ANKAR: variants seen among roughly 807,000 people sequenced by gnomAD.
ANKAR encodes the protein ankyrin and armadillo repeat-containing protein.
A neutral mutation model predicts 146.2 loss-of-function variants in ANKAR; 136 were observed. The observed-to-expected ratio is 0.93, with a 90% CI of 0.81 to 1.07. ANKAR has a LOEUF of 1.07. ANKAR is among the 50% of genes least tolerant of loss of function. The pLI is 0.00. For synonymous variants in ANKAR, 500 were observed against 575.8 expected, an observed-to-expected ratio of 0.87 and a Z score of 1.88; for missense variants, 1,567 against 1,679.9, an observed-to-expected ratio of 0.93 and a Z score of 1.18.
chr2:189,690,523 T>C (rs927655734), intron 3 of ANKAR, among the ~76,000 whole-genome samples: 2 of 152,216 alleles, frequency 1.3e-5, no homozygotes, highest in Admixed American at 1.3e-4. Flanking sequence ...TGGAATTTGA[T>C]GGGACTTCAG....
At chr2:189,705,751 C>T (rs2038847351) in intron 8 of ANKAR, among the ~76,000 whole-genome samples, 1 of 152,074 alleles carries the variant, frequency 6.6e-6, no homozygotes, top group Non-Finnish European at 1.5e-5. Context: ...AATAAAATAA[C>T]TTTGAAATTA....
rs553445499 is a variant in ANKAR, at chr2:189,742,163, G to A, written c.3810+712G>A. 1.5e-3 allele frequency among the ~76,000 whole-genome samples: 226 copies of A among 152,260 alleles called. 1 individual carries two copies. The highest frequency in any genetic ancestry group is 5.3e-3 in the African/African-American group (219 of 41,554). ...TATATCAGAATCACCTGGAGGGCCT[G>A]TTATATTGCTTGGCCCCATTCCTAG... On this transcript the variant is annotated intron_variant, in intron 20 of 22. Transcript: ENST00000684021.
intron 18 of ANKAR, chr2:189,754,138 T>C: frequency 6.2e-7 from 1 of 1,613,080 alleles, no homozygotes; most frequent in Non-Finnish European, 8.5e-7. Context: ...ATTAGAAATA[T>C]ACCTTCCTCT....
intron 18 of ANKAR, chr2:189,753,084 C>A (rs556085802): frequency 1.8e-6 from 2 of 1,103,616 alleles, no homozygotes; most frequent in African/African-American, 3.2e-5. Flanking sequence ...ATAAACTATC[C>A]CATTTTGAGA....
At chr2:189,749,134 T>C (rs978716805), downstream of ANKAR, among the ~76,000 whole-genome samples, 4 of 149,752 alleles carry the variant, frequency 2.7e-5, no homozygotes, top group Non-Finnish European at 5.9e-5. Context: ...TAGTCCCAGC[T>C]ACTCGGGAGG....
At chr2:189,754,351 A>G (rs1335198862) in intron 18 of ANKAR, 1 of 1,588,170 alleles carries the variant, frequency 6.3e-7, no homozygotes, top group Admixed American at 1.8e-5. Context: ...GCCACCTATC[A>G]AAGAAACATA....
rs566346830 is a variant in ANKAR at position 189,741,358 on chromosome 2, C to G, written c.3717C>G (p.Ser1239Arg). The G allele has an allele frequency of 6.2e-7, 1 of 1,602,838 alleles. No homozygotes were observed. Among genetic ancestry groups the G allele is most frequent in the East Asian group, 2.3e-5 (1 of 44,406 alleles). ...AATTTATAGGGAATTTAATAGCAAGCCTGGCTCATTCTAGAGCTGGTATCC... is the reference window on the plus strand; with the variant it reads ...AATTTATAGGGAATTTAATAGCAAGGCTGGCTCATTCTAGAGCTGGTATCC... ...TIVLTGNLIA[S>R]LAHSRAGIPE... The change falls in exon 20 of 23, where the codon AGC becomes AGG. Residue 1239 changes from serine to arginine, a missense_variant. Coordinates refer to ENST00000684021, the MANE Select transcript of ANKAR (RefSeq NM_001378068.1).
At chr2:189,745,705 C>A (rs1036192854) in intron 22 of ANKAR, among the ~76,000 whole-genome samples, 4 of 152,062 alleles carry the variant, frequency 2.6e-5, no homozygotes, top group African/African-American at 9.7e-5. Flanking sequence ...TAGAAACATT[C>A]AGAAGTCAAG....
intron 15 of ANKAR, 94 bp downstream of exon 15, chr2:189,728,915 C>T (rs967761454): frequency 3.0e-5 from 37 of 1,230,036 alleles, no homozygotes; most frequent in Non-Finnish European, 3.9e-5. Flanking sequence ...CTCTCTATCC[C>T]CACTGTTTGA....
chr2:189,709,741 T>A (rs1036840368), intron 9 of ANKAR, among the ~76,000 whole-genome samples: 5 of 152,230 alleles, frequency 3.3e-5, no homozygotes, highest in African/African-American at 1.2e-4. Flanking sequence ...CAAGAGATAT[T>A]GGAAAGTGTT....
chr2:189,733,204 T>C lies in ANKAR; in HGVS notation c.3398T>C (p.Leu1133Pro), dbSNP rs766982873. 1 of 1,607,410 alleles carries C rather than the reference T, an allele frequency of 6.2e-7. No homozygotes were observed. Among genetic ancestry groups the C allele is most frequent in the Non-Finnish European group, 8.5e-7 (1 of 1,177,332 alleles). ...GAAGGATTTGAATATGCTGATGTCC[T>C]TTATCTTCTTCACTCAACAGAAAAG... Reference protein sequence around the residue: ...ENEGFEYADVLYLLHSTEKDI... With the variant: ...ENEGFEYADVPYLLHSTEKDI... Residue 1133 changes from leucine (L) to proline (P), a missense_variant, in exon 17 of 23, where the codon CTT becomes CCT. Coordinates refer to ENST00000684021, the MANE Select transcript of ANKAR (RefSeq NM_001378068.1).
At chr2:189,762,864 G>A (rs2047333194), downstream of ANKAR, 2 of 985,336 alleles carry the variant, frequency 2.0e-6, no homozygotes, top group East Asian at 2.3e-4. Flanking sequence ...GCTTAGTGAA[G>A]AAAAGCTTAA....
At position 189,741,417 on chromosome 2, in the gene ANKAR, G is replaced by A. The variant is rs537050952; in HGVS notation, c.3776G>A (p.Arg1259Gln). 145 of 1,611,104 alleles carry A rather than the reference G, an allele frequency of 9.0e-5. 1 individual carries two copies. In the Admixed American group the frequency reaches 2.1e-3, roughly 23 times the overall value. Reference sequence around the variant, plus strand: ...TTTACCACATTAGGAACAATCCAACGGCTCTGCTATCATTTGTACTCGGGA... The same window carrying A: ...TTTACCACATTAGGAACAATCCAACAGCTCTGCTATCATTTGTACTCGGGA... ...EAFTTLGTIQRLCYHLYSGIE... is the reference protein window; with the variant it reads ...EAFTTLGTIQQLCYHLYSGIE... The change falls in exon 20 of 23, where the codon CGG becomes CAG. Residue 1259 changes from arginine (R) to glutamine (Q), a missense_variant. By Grantham distance (43) the Arg-to-Gln change is conservative. Transcript: ENST00000684021.
At chr2:189,752,214 G>T (rs2045376469) in intron 18 of ANKAR, among the ~76,000 whole-genome samples, 2 of 152,096 alleles carry the variant, frequency 1.3e-5, no homozygotes, top group Non-Finnish European at 2.9e-5. Context: ...AATAAGGCTT[G>T]CAGGAAACAG....
At chr2:189,744,828 C>G in intron 22 of ANKAR, 40 bp downstream of exon 22, 1 of 1,425,144 alleles carries the variant, frequency 7.0e-7, no homozygotes, top group Middle Eastern at 1.8e-4. Flanking sequence ...ACCTTCTAGC[C>G]CAGACACTTT....
chr2:189,705,677 C>T (rs1034823385), intron 8 of ANKAR, among the ~76,000 whole-genome samples: 9 of 152,094 alleles, frequency 5.9e-5, no homozygotes, highest in South Asian at 2.1e-4. Context: ...CAGATCAAAG[C>T]GGATGGACTT....
chr2:189,701,385 A>G (rs2038034922), intron 7 of ANKAR, among the ~76,000 whole-genome samples: 1 of 152,090 alleles, frequency 6.6e-6, no homozygotes, highest in Non-Finnish European at 1.5e-5. Context: ...GGCCCATGCC[A>G]CCATGGCTGG....
chr2:189,701,289 G>A (rs2038018002), intron 7 of ANKAR, among the ~76,000 whole-genome samples: 1 of 151,902 alleles, frequency 6.6e-6, no homozygotes, highest in Non-Finnish European at 1.5e-5. Context: ...CTGGAGTGCA[G>A]TGGCATGATC....
At position 189,736,502 on chromosome 2, in the gene ANKAR, T is replaced by TTTTTTTTTG. The variant is rs1422561376; in HGVS notation, c.3424-1180_3424-1179insTTTTTTTGT. Among the ~76,000 whole-genome samples the TTTTTTTTTG allele has an allele frequency of 1.6e-3, 228 of 142,062 alleles. 15 individuals carry two copies. The highest frequency in any genetic ancestry group is 5.3e-3 in the African/African-American group (208 of 39,128). The allele number at this position is 142,062 out of a possible 152,430, so 93.2% of individuals were successfully genotyped here. A position where few individuals can be genotyped will look rare whatever the true frequency, so the allele number is the denominator to read the frequency against. On this transcript the variant is annotated intron_variant, in intron 17 of 22. Coordinates refer to ENST00000684021, the MANE Select transcript of ANKAR (RefSeq NM_001378068.1). ...TTTTGCCTATTTAGGTGACTGGGTT[T>TTTTTTTTTG]TGTGTGTGTGTGTGTGTGTGTGTGT...
Sources: gnomAD v4.1 joint callset for allele counts (sites outside exome capture counted in the v4.1 genomes callset) on GRCh38, gnomAD v4.1.1 for gene constraint, MANE v1.5 for transcripts, NCBI Gene and HGNC (gene_info 2026-07-23, HGNC 2026-07-21) for gene names.